TMEM8B: variants seen among roughly 807,000 people sequenced by gnomAD.
TMEM8B encodes transmembrane protein 8B.
Under a neutral mutation model 49.3 loss-of-function variants are expected in TMEM8B, and 29 were observed. That is an observed-to-expected ratio of 0.59 (90% CI 0.44 to 0.80). TMEM8B has a LOEUF of 0.80. TMEM8B is among the 30% of genes least tolerant of loss of function. The pLI is 0.00. For synonymous variants in TMEM8B, 264 were observed against 272.8 expected, an observed-to-expected ratio of 0.97 and a Z score of 0.32; for missense variants, 575 against 658.5, an observed-to-expected ratio of 0.87 and a Z score of 1.39.
At position 35,842,274 on chromosome 9, in the gene TMEM8B, T is replaced by C; in HGVS notation, c.1310-118T>C. The C allele has an allele frequency of 2.7e-6, 2 of 753,590 alleles. No homozygotes were observed. Among genetic ancestry groups the C allele is most frequent in the Non-Finnish European group, 4.1e-6 (2 of 491,914 alleles). 46.7% of individuals were successfully genotyped at this position (753,590 alleles called of 1,614,324 possible). Reference sequence around the variant, plus strand: ...CCCCACACTCCCAAGGGACATCGCATTCTAGTTCTCATCCTTCCCCACTCT... The same window carrying C: ...CCCCACACTCCCAAGGGACATCGCACTCTAGTTCTCATCCTTCCCCACTCT... On this transcript the variant is annotated intron_variant, in intron 5 of 12. Transcript: ENST00000643932. The surrounding 1 kb of genome is among the most constrained non-coding windows in gnomAD (Gnocchi z 5.6).
In TMEM8B at chr9:35,853,134, T is replaced by G; in HGVS notation, c.2323-7T>G. On this transcript the variant is annotated splice_polypyrimidine_tract_variant and splice_region_variant and intron_variant, in intron 11 of 12. Coordinates refer to ENST00000643932, the MANE Select transcript of TMEM8B (RefSeq NM_001042590.4). The surrounding 1 kb of genome is among the most constrained non-coding windows in gnomAD (Gnocchi z 4.2). ...CCCTAGCCCAGCCCTTGAGTCTCTT[T>G]CTCTAGGTGCTGTATTTGCTGGGAG... 6.2e-7 allele frequency: 1 copy of G among 1,613,156 alleles called. No homozygotes were observed. The highest frequency in any genetic ancestry group is 8.5e-7 in the Non-Finnish European group (1 of 1,179,108).
rs1384972297 is a variant in TMEM8B, at chr9:35,842,231, C to T, written c.1310-161C>T. On this transcript the variant is annotated intron_variant, in intron 5 of 12. Transcript: ENST00000643932. This position sits in a 1 kb window ranked among gnomAD's most constrained non-coding sequence, Gnocchi z 5.6. Reference sequence around the variant, plus strand: ...TGCATTAGCTGTCACCATTAGGAAACCCCTATAAACCTGGATGCCCCACAC... The same window carrying T: ...TGCATTAGCTGTCACCATTAGGAAATCCCTATAAACCTGGATGCCCCACAC... Among the ~76,000 whole-genome samples, 2 of 152,198 alleles carry T rather than the reference C, an allele frequency of 1.3e-5. No homozygotes were observed. The highest frequency in any genetic ancestry group is 2.9e-5 in the Non-Finnish European group (2 of 68,028).
At position 35,841,830 on chromosome 9, in the gene TMEM8B, C is replaced by G; in HGVS notation, c.1309+36C>G. On this transcript the variant is annotated intron_variant, in intron 5 of 12. Transcript: ENST00000643932. The surrounding 1 kb of genome is among the most constrained non-coding windows in gnomAD (Gnocchi z 5.9). ...CTGCATTTGCCCCAGTCTGTGTAGA[C>G]ATCTGTGGTTGGGAAGTGACTTGGG... is the stretch of plus-strand genomic sequence containing the variant. 2.4e-6 allele frequency: 1 copy of G among 415,294 alleles called. No homozygotes were observed. Among genetic ancestry groups the G allele is most frequent in the Non-Finnish European group, 4.4e-6 (1 of 226,228 alleles). The allele number at this position is 415,294 out of a possible 1,614,324, so 25.7% of individuals were successfully genotyped here.
At chr9:35,845,559 TC>T (rs1244590727) in intron 6 of TMEM8B, 1 of 985,342 alleles carries the variant, frequency 1.0e-6, no homozygotes, top group African/African-American at 1.7e-5. Flanking sequence ...GTCTTCATGC[TC>T]CACCTGTCTT....
Position 35,846,064 on chromosome 9 carries a change from C to G in TMEM8B, c.1725C>G (p.Ser575=). ...LSLGDAAVTC[S]KESLAGFLLS... ...TGGGGGATGCAGCAGTGACCTGTTC[C>G]AAAGGTGAGGTGAGGAATGGGGGAG... The change falls in exon 7 of 13, where the codon TCC becomes TCG. Residue 575 remains serine, a synonymous_variant. Transcript: ENST00000643932. 6.2e-7 allele frequency: 1 copy of G among 1,610,506 alleles called. No individual in the cohort carries two copies. The highest frequency in any genetic ancestry group is 8.5e-7 in the Non-Finnish European group (1 of 1,179,524).
At chr9:35,848,617 G>A (rs546005763) in intron 10 of TMEM8B, among the ~76,000 whole-genome samples, 4 of 151,900 alleles carry the variant, frequency 2.6e-5, no homozygotes, top group Admixed American at 1.3e-4. Flanking sequence ...AGTACTAGGA[G>A]AGCCTCAAGT....
At chr9:35,845,727 A>G (rs1831458286) in intron 6 of TMEM8B, 2 of 985,368 alleles carry the variant, frequency 2.0e-6, no homozygotes, top group South Asian at 4.7e-5. Flanking sequence ...ACTTCTGCCC[A>G]AAGAACAGAT....
rs577138433 is a variant in TMEM8B, at chr9:35,841,001, C to G, written c.907-133C>G. The G allele has an allele frequency of 1.2e-3, 486 of 409,380 alleles. 1 individual carries two copies. Among genetic ancestry groups the G allele is most frequent in the Non-Finnish European group, 1.9e-3 (422 of 225,756 alleles). 25.4% of individuals were successfully genotyped at this position (409,380 alleles called of 1,614,324 possible). On this transcript the variant is annotated intron_variant, in intron 3 of 12. Coordinates refer to ENST00000643932, the MANE Select transcript of TMEM8B (RefSeq NM_001042590.4). The surrounding 1 kb of genome is among the most constrained non-coding windows in gnomAD (Gnocchi z 5.9). ...AGGAAGGACCTGGAATTTAGAGAGA[C>G]CTGGGTTAGAGGCCTGGGAGTGGTG...
Position 35,854,152 on chromosome 9 carries a change from A to G in TMEM8B, c.*312A>G. The G allele has an allele frequency of 1.9e-6, 1 of 526,526 alleles. No individual in the cohort carries two copies. The allele number at this position is 526,526 out of a possible 1,614,324, so 32.6% of individuals were successfully genotyped here. A position where few individuals can be genotyped will look rare whatever the true frequency, so the allele number is the denominator to read the frequency against. On this transcript the variant is annotated 3_prime_UTR_variant, in exon 13 of 13. Transcript: ENST00000643932. ...CTGGGATGCAGAGCCTTCCCAAGAC[A>G]TGGATTCCTTCCCAGGGAGACAAAG... is the stretch of plus-strand genomic sequence containing the variant.
At chr9:35,849,611 A>G (rs997570090) in intron 10 of TMEM8B, among the ~76,000 whole-genome samples, 1 of 152,184 alleles carries the variant, frequency 6.6e-6, no homozygotes, top group Non-Finnish European at 1.5e-5. Flanking sequence ...CTGACTCCAG[A>G]TCCCTCACAT....
At position 35,860,405 on chromosome 9, in the gene TMEM8B, A is replaced by G. The variant is rs1564056346; in HGVS notation, c.*6565A>G. Reference sequence around the variant, plus strand: ...TTTATTCATCCACTAAGTATTTATTAAGTACCTATTCTGTGCTAGGTATCA... The same window carrying G: ...TTTATTCATCCACTAAGTATTTATTGAGTACCTATTCTGTGCTAGGTATCA... On this transcript the variant is annotated 3_prime_UTR_variant, in exon 13 of 13. Coordinates refer to ENST00000643932, the MANE Select transcript of TMEM8B (RefSeq NM_001042590.4). The G allele has an allele frequency of 6.6e-6, 1 of 152,376 alleles. No individual in the cohort carries two copies. Among genetic ancestry groups the G allele is most frequent in the East Asian group, 1.9e-4 (1 of 5,190 alleles). 9.4% of individuals were successfully genotyped at this position (152,376 alleles called of 1,614,324 possible).
rs1355961197 is a variant in TMEM8B, at chr9:35,855,156, G to A, written c.*1316G>A. The A allele has an allele frequency of 6.6e-6, 1 of 152,192 alleles. No homozygotes were observed. Among genetic ancestry groups the A allele is most frequent in the Non-Finnish European group, 1.5e-5 (1 of 68,044 alleles). The allele number at this position is 152,192 out of a possible 1,614,324, so 9.4% of individuals were successfully genotyped here. On this transcript the variant is annotated 3_prime_UTR_variant, in exon 13 of 13. Transcript: ENST00000643932. ...TGTGGAGACCCGTAAAGTTGTCTAA[G>A]GCCTTGGCTATGCAGACACACCTTG... is the stretch of plus-strand genomic sequence containing the variant.
chr9:35,832,195 G>A (rs796272406), intron 1 of TMEM8B, among the ~76,000 whole-genome samples: 2 of 138,496 alleles, frequency 1.4e-5, no homozygotes, highest in East Asian at 2.4e-4. Flanking sequence ...GTGTGTGTGT[G>A]TGTGTATGTG....
intron 6 of TMEM8B, among the ~76,000 whole-genome samples, chr9:35,843,477 G>A (rs1264158725): frequency 3.3e-5 from 5 of 152,084 alleles, no homozygotes; most frequent in African/African-American, 1.2e-4. Flanking sequence ...CATACTTCTA[G>A]TGGTCACTGT....
intron 1 of TMEM8B, among the ~76,000 whole-genome samples, chr9:35,833,915 CAG>C (rs1264000676): frequency 6.6e-6 from 1 of 152,082 alleles, no homozygotes; most frequent in African/African-American, 2.4e-5. Context: ...CTCCTAACCA[CAG>C]GGGAACAGAA....
Position 35,853,490 on chromosome 9 carries a change from C to G in TMEM8B, c.2440-15C>G, listed in dbSNP as rs1272460417. 1.2e-6 allele frequency: 2 copies of G among 1,601,906 alleles called. No homozygotes were observed. The highest frequency in any genetic ancestry group is 8.5e-7 in the Non-Finnish European group (1 of 1,174,146). Reference sequence around the variant, plus strand: ...GGCTTGGCATTCCTGAGCCCCACTTCTCTGTCTCCCCCAGACAGTACGCAG... The same window carrying G: ...GGCTTGGCATTCCTGAGCCCCACTTGTCTGTCTCCCCCAGACAGTACGCAG... On this transcript the variant is annotated splice_polypyrimidine_tract_variant and intron_variant, in intron 12 of 12. Transcript: ENST00000643932. This position sits in a 1 kb window ranked among gnomAD's most constrained non-coding sequence, Gnocchi z 4.2.
chr9:35,862,985 G>A lies in TMEM8B; in HGVS notation c.*9145G>A, dbSNP rs1832676574. 1 of 152,184 alleles carries A rather than the reference G, an allele frequency of 6.6e-6. No homozygotes were observed. Among genetic ancestry groups the A allele is most frequent in the Non-Finnish European group, 1.5e-5 (1 of 68,046 alleles). The allele number at this position is 152,184 out of a possible 1,614,324, so 9.4% of individuals were successfully genotyped here. A position where few individuals can be genotyped will look rare whatever the true frequency, so the allele number is the denominator to read the frequency against. The stretch of plus-strand genomic sequence containing the variant: ...GTTGAACTATTTATTGACATCCAGT[G>A]TTGTTCTGCCAAAAATCCTGATCCT... On this transcript the variant is annotated 3_prime_UTR_variant, in exon 13 of 13. Coordinates refer to ENST00000643932, the MANE Select transcript of TMEM8B (RefSeq NM_001042590.4).
At chr9:35,848,633 G>C (rs1831839492) in intron 10 of TMEM8B, among the ~76,000 whole-genome samples, 1 of 151,630 alleles carries the variant, frequency 6.6e-6, no homozygotes, top group African/African-American at 2.4e-5. Flanking sequence ...CAAGTGCCTG[G>C]CACCACATAA....
chr9:35,842,476 C>T lies in TMEM8B; in HGVS notation c.1394C>T (p.Pro465Leu), dbSNP rs138232736. 671 of 1,597,430 alleles carry T rather than the reference C, an allele frequency of 4.2e-4. 3 individuals are homozygous for T. The African/African-American group carries it at 8.0e-3, about 19-fold the overall frequency. ...CAGTCCCTGGGCAACCAGCCACTGC[C>T]CCCAGAACCGCCATCCCTTGGAACC... ...MPQSLGNQPLPPEPPSLGTPA... is the reference protein window; with the variant it reads ...MPQSLGNQPLLPEPPSLGTPA... Residue 465 changes from proline to leucine, a missense_variant, in exon 6 of 13, where the codon CCC (proline) becomes CTC (leucine). By Grantham distance (98) the Pro-to-Leu change is moderately conservative (BLOSUM62 -3). Transcript: ENST00000643932. The surrounding 1 kb of genome is among the most constrained non-coding windows in gnomAD (Gnocchi z 5.6).
Sources: allele counts gnomAD v4.1 joint callset (sites outside exome capture counted in the v4.1 genomes callset), GRCh38; gene constraint gnomAD v4.1.1; non-coding constraint Gnocchi (gnomAD v3.1); transcripts MANE v1.5; gene names NCBI Gene and HGNC (gene_info 2026-07-23, HGNC 2026-07-21).